The following MLLT10 variants were observed in gnomAD, a reference collection of about 807,000 sequenced individuals.
MLLT10 encodes MLLT10 histone lysine methyltransferase DOT1L cofactor.
MLLT10 carries 30 observed loss-of-function variants against 129.1 expected under a neutral mutation model. The ratio of observed to expected loss-of-function variants is 0.23; its 90% CI spans 0.17 to 0.32. The LOEUF (loss-of-function observed/expected upper bound fraction) is 0.32, where lower values mean the gene tolerates loss of function less well. MLLT10 is among the 10% of genes least tolerant of loss of function. MLLT10 has a pLI of 1.00. For synonymous variants in MLLT10, 490 were observed against 446.4 expected (o/e 1.10, Z -1.23); for missense variants, 1,119 against 1,268.3 (o/e 0.88, Z 1.79).
At position 21,534,722 on chromosome 10, in the gene MLLT10, C is replaced by T. The variant is rs1301022020; in HGVS notation, c.78C>T (p.Cys26=). The part of the protein sequence containing the change: ...HSMKEMIGGC[C]VCSDERGWAE... ...TGAAGGAGATGATTGGAGGCTGTTG[C>T]GTTTGCTCAGACGAGAGAGGCTGGG... The change falls in exon 2 of 23, where the codon TGC becomes TGT. Residue 26 remains cysteine, a synonymous_variant. Transcript: ENST00000307729. 6.2e-7 allele frequency: 1 copy of T among 1,613,416 alleles called. No homozygotes were observed. The highest frequency in any genetic ancestry group is 8.5e-7 in the Non-Finnish European group (1 of 1,179,548).
chr10:21,580,513 T>C (rs1235571011), intron 3 of MLLT10, among the ~76,000 whole-genome samples: 3 of 151,072 alleles, frequency 2.0e-5, no homozygotes, highest in African/African-American at 7.3e-5. Flanking sequence ...CTCAGCTTCC[T>C]GAGTAGTGGG....
At chr10:21,545,185 A>T (rs561575696) in intron 3 of MLLT10, among the ~76,000 whole-genome samples, 1 of 152,166 alleles carries the variant, frequency 6.6e-6, no homozygotes, top group African/African-American at 2.4e-5. Flanking sequence ...TTTAGGATAC[A>T]GTTACAGAGT....
At chr10:21,729,735 G>T (rs561304207) in intron 16 of MLLT10, among the ~76,000 whole-genome samples, 1 of 152,198 alleles carries the variant, frequency 6.6e-6, no homozygotes, top group Non-Finnish European at 1.5e-5. Flanking sequence ...CTTCTCACTA[G>T]GTTGTTGTGG....
At position 21,647,674 on chromosome 10, in the gene MLLT10, G is replaced by A. The variant is rs969187871; in HGVS notation, c.700-3999G>A. 1.1e-4 allele frequency among the ~76,000 whole-genome samples: 16 copies of A among 147,808 alleles called. 1 individual carries two copies. The highest frequency in any genetic ancestry group is 1.0e-3 in the Admixed American group (15 of 14,908). Reference sequence around the variant, plus strand: ...AATACTTGGGTTGCATGTTTCTGTTGCTGTTTACTGGCTCTTTTTTTTTGC... The same window carrying A: ...AATACTTGGGTTGCATGTTTCTGTTACTGTTTACTGGCTCTTTTTTTTTGC... On this transcript the variant is annotated intron_variant, in intron 8 of 22. Transcript: ENST00000307729.
At chr10:21,549,758 C>T (rs1216190188) in intron 3 of MLLT10, among the ~76,000 whole-genome samples, 3 of 150,558 alleles carry the variant, frequency 2.0e-5, no homozygotes, top group African/African-American at 7.4e-5. Flanking sequence ...CCTGCCTTAG[C>T]TTCCCGAGTA....
intron 4 of MLLT10, among the ~76,000 whole-genome samples, chr10:21,587,249 TAAAAAA>T (rs1406829403): frequency 6.6e-6 from 1 of 151,038 alleles, no homozygotes; most frequent in Admixed American, 6.6e-5. Flanking sequence ...AAAGTAAATA[TAAAAAA>T]TAAAAATAAA....
At chr10:21,607,268 T>G (rs779412789) in intron 5 of MLLT10, among the ~76,000 whole-genome samples, 1 of 152,000 alleles carries the variant, frequency 6.6e-6, no homozygotes, top group African/African-American at 2.4e-5. Flanking sequence ...ATTATAAATG[T>G]TAAAAACTCA....
rs1415751047 is a variant in MLLT10, at chr10:21,732,927, A to G, written c.2247A>G (p.Gln749=). The change falls in exon 18 of 23, where the codon CAA becomes CAG. Residue 749 remains glutamine, a synonymous_variant. Coordinates refer to ENST00000307729, the MANE Select transcript of MLLT10 (RefSeq NM_001195626.3). The part of the protein sequence containing the change: ...DILGMLKSLH[Q]LQVENRRLEE... ...TAGGAATGCTGAAGTCATTACACCA[A>G]CTTCAAGTTGAAAACCGAAGATTAG... 2 of 1,613,930 alleles carry G rather than the reference A, an allele frequency of 1.2e-6. No homozygotes were observed. The highest frequency in any genetic ancestry group is 1.7e-6 in the Non-Finnish European group (2 of 1,179,946).
At chr10:21,704,637 T>C (rs2055319943) in intron 13 of MLLT10, among the ~76,000 whole-genome samples, 1 of 138,846 alleles carries the variant, frequency 7.2e-6, no homozygotes, top group Non-Finnish European at 1.5e-5. Flanking sequence ...GGCTTTTTAA[T>C]GTTTCCTGTA....
At chr10:21,576,481 C>T (rs1413559196) in intron 3 of MLLT10, among the ~76,000 whole-genome samples, 15 of 151,376 alleles carry the variant, frequency 9.9e-5, no homozygotes, top group Middle Eastern at 3.5e-3. Context: ...CCTTGTGATC[C>T]ACCCACCTCG....
intron 14 of MLLT10, among the ~76,000 whole-genome samples, chr10:21,718,616 C>G (rs1430861960): frequency 3.3e-5 from 5 of 152,178 alleles, no homozygotes; most frequent in Admixed American, 3.3e-4. Context: ...TCCCATGTTA[C>G]TGTTAAACAA....
chr10:21,533,995 G>C (rs899441967), upstream of MLLT10, among the ~76,000 whole-genome samples: 1 of 151,994 alleles, frequency 6.6e-6, no homozygotes, highest in Non-Finnish European at 1.5e-5. Context: ...GCGCTGCAGA[G>C]GGCGGCCCTA....
intron 13 of MLLT10, among the ~76,000 whole-genome samples, chr10:21,704,890 G>A (rs1405389550): frequency 6.6e-6 from 1 of 152,154 alleles, no homozygotes; most frequent in African/African-American, 2.4e-5. Flanking sequence ...GGAGGCAGTG[G>A]TGAAGTTTTG....
At chr10:21,734,270 A>G in intron 20 of MLLT10, 141 bp downstream of exon 20, 1 of 836,688 alleles carries the variant, frequency 1.2e-6, no homozygotes, top group South Asian at 2.8e-5. Context: ...TATTATACAG[A>G]GTACATTTAT....
chr10:21,584,063 G>T (rs1309282278), intron 3 of MLLT10, among the ~76,000 whole-genome samples: 2 of 151,512 alleles, frequency 1.3e-5, no homozygotes, highest in Non-Finnish European at 2.9e-5. Flanking sequence ...TAGAGACGGG[G>T]TTTCACCGTG....
intron 13 of MLLT10, among the ~76,000 whole-genome samples, chr10:21,696,973 CTG>C (rs987729978): frequency 1.1e-4 from 16 of 151,910 alleles, no homozygotes; most frequent in Non-Finnish European, 2.1e-4. Flanking sequence ...CCTTTGTAGC[CTG>C]TGAGACTCTA....
intron 13 of MLLT10, among the ~76,000 whole-genome samples, chr10:21,687,541 T>C (rs963293887): frequency 2.6e-5 from 4 of 152,210 alleles, no homozygotes; most frequent in Non-Finnish European, 5.9e-5. Flanking sequence ...TTTTTTCTTC[T>C]TATGAGTTAG....
Position 21,558,853 on chromosome 10 carries a change from C to T in MLLT10, c.240+19941C>T, listed in dbSNP as rs566849168. 4.3e-4 allele frequency among the ~76,000 whole-genome samples: 66 copies of T among 152,174 alleles called. 1 individual carries two copies. Among genetic ancestry groups the T allele is most frequent in the African/African-American group, 1.5e-3 (64 of 41,498 alleles). ...CTTTTTATGTGCCTTTGTGCGAGAA[C>T]CACAGTTTTAAAATTACTATAGCTT... On this transcript the variant is annotated intron_variant, in intron 3 of 22. Coordinates refer to ENST00000307729, the MANE Select transcript of MLLT10 (RefSeq NM_001195626.3).
In MLLT10 at chr10:21,545,446, T is replaced by C. The variant is rs367851629; in HGVS notation, c.240+6534T>C. On this transcript the variant is annotated intron_variant, in intron 3 of 22. Coordinates refer to ENST00000307729, the MANE Select transcript of MLLT10 (RefSeq NM_001195626.3). ...GACTAAGAAAAGTTTTTGAGACAGC[T>C]AATACAGCTTCCTGGTTTGGGTAGA... Among the ~76,000 whole-genome samples the C allele has an allele frequency of 2.6e-5, 4 of 152,230 alleles. No individual in the cohort carries two copies. In the East Asian group the frequency reaches 7.7e-4, roughly 29 times the overall value.
Sources: gnomAD v4.1 joint callset for allele counts (sites outside exome capture counted in the v4.1 genomes callset) on GRCh38, gnomAD v4.1.1 for gene constraint, MANE v1.5 for transcripts, NCBI Gene and HGNC (gene_info 2026-07-23, HGNC 2026-07-21) for gene names.